The following ADK variants were observed in gnomAD, a reference collection of about 807,000 sequenced individuals.
The protein encoded by ADK is N6,N6-dimethyladenosine kinase.
A neutral mutation model predicts 44.7 loss-of-function variants in ADK; 24 were observed. The ratio of observed to expected loss-of-function variants is 0.54; its 90% CI spans 0.39 to 0.76. The LOEUF (loss-of-function observed/expected upper bound fraction) is 0.76. Ranked by LOEUF, ADK falls within the 30% of genes least tolerant of loss-of-function variation. The pLI is 0.00. For synonymous variants in ADK, 128 were observed against 142.6 expected, an observed-to-expected ratio of 0.90 and a Z score of 0.73; for missense variants, 321 against 425.1, an observed-to-expected ratio of 0.76 and a Z score of 2.15.
At chr10:74,348,551 C>T (rs183239366) in intron 4 of ADK, among the ~76,000 whole-genome samples, 18 of 152,082 alleles carry the variant, frequency 1.2e-4, no homozygotes, top group African/African-American at 3.9e-4. Context: ...TGCAGCTCCT[C>T]TCCAGCAAGG....
intron 3 of ADK, among the ~76,000 whole-genome samples, chr10:74,291,334 G>A (rs1275319828): frequency 6.6e-6 from 1 of 152,066 alleles, no homozygotes; most frequent in Non-Finnish European, 1.5e-5. Flanking sequence ...GGAGAATGGC[G>A]TGAACCCAGG....
chr10:74,187,501 T>C (rs932812781), intron 1 of ADK, among the ~76,000 whole-genome samples: 41 of 151,056 alleles, frequency 2.7e-4, no homozygotes, highest in African/African-American at 9.5e-4. Flanking sequence ...TACACGCACA[T>C]ACACACACAC....
At chr10:74,548,864 C>G (rs2133768484) in intron 7 of ADK, among the ~76,000 whole-genome samples, 2 of 152,322 alleles carry the variant, frequency 1.3e-5, no homozygotes, top group East Asian at 3.9e-4. Flanking sequence ...CAAAGATTAC[C>G]TGTTGTAACT....
chr10:74,613,122 T>C (rs1038449050), intron 9 of ADK, among the ~76,000 whole-genome samples: 2 of 152,112 alleles, frequency 1.3e-5, no homozygotes, highest in African/African-American at 4.8e-5. Context: ...CCCTGCCTTC[T>C]TAAAAGCACC....
chr10:74,701,267 T>C (rs908734839), intron 10 of ADK, among the ~76,000 whole-genome samples: 1 of 152,210 alleles, frequency 6.6e-6, no homozygotes, highest in African/African-American at 2.4e-5. Flanking sequence ...GCTCAATTTC[T>C]AAAATAGGTC....
At chr10:74,387,443 C>A (rs113938626) in intron 4 of ADK, among the ~76,000 whole-genome samples, 3 of 152,046 alleles carry the variant, frequency 2.0e-5, no homozygotes, top group African/African-American at 7.2e-5. Context: ...TTGGCTGAAA[C>A]GAATTATTTA....
intron 4 of ADK, among the ~76,000 whole-genome samples, chr10:74,340,561 G>GT (rs1393930518): frequency 6.6e-6 from 1 of 152,056 alleles, no homozygotes; most frequent in African/African-American, 2.4e-5. Flanking sequence ...AACCTAGACT[G>GT]TTTTGGAAAA....
At chr10:74,434,114 A>G (rs960201367) in intron 6 of ADK, among the ~76,000 whole-genome samples, 1 of 152,152 alleles carries the variant, frequency 6.6e-6, no homozygotes, top group Non-Finnish European at 1.5e-5. Context: ...GATTTTCTAT[A>G]TATATAATGA....
intron 3 of ADK, among the ~76,000 whole-genome samples, chr10:74,296,853 A>G (rs1839836749): frequency 6.6e-6 from 1 of 152,000 alleles, no homozygotes. Context: ...TGACCTCATT[A>G]ACCGCCCCTC....
chr10:74,294,373 A>G (rs531958861), intron 3 of ADK, among the ~76,000 whole-genome samples: 14 of 148,698 alleles, frequency 9.4e-5, no homozygotes, highest in African/African-American at 3.5e-4. Context: ...TGCAACCTCC[A>G]CCTCCCGGGT....
At chr10:74,550,912 A>G (rs903012466) in intron 7 of ADK, among the ~76,000 whole-genome samples, 7 of 152,214 alleles carry the variant, frequency 4.6e-5, no homozygotes, top group Non-Finnish European at 1.0e-4. Flanking sequence ...CATGTTGTCC[A>G]GGGTGGTCTT....
At chr10:74,704,706 A>G (rs1327467196) in intron 10 of ADK, among the ~76,000 whole-genome samples, 1 of 152,202 alleles carries the variant, frequency 6.6e-6, no homozygotes, top group Non-Finnish European at 1.5e-5. Flanking sequence ...TCACAAAAAT[A>G]TTTCATAAAC....
chr10:74,332,842 A>G (rs1841266879), intron 4 of ADK, among the ~76,000 whole-genome samples: 3 of 152,204 alleles, frequency 2.0e-5, no homozygotes, highest in Admixed American at 2.0e-4. Context: ...AATTTTGATG[A>G]CTTTTAAAAA....
chr10:74,548,880 G>A lies in ADK; in HGVS notation c.726+23454G>A, dbSNP rs184270099. ...AAAGATTACCTGTTGTAACTAAGTA[G>A]ATAAAGATAAAATTTCCATGAAAGT... On this transcript the variant is annotated intron_variant, in intron 7 of 10. Coordinates refer to ENST00000539909, the MANE Select transcript of ADK (RefSeq NM_006721.4). Among the ~76,000 whole-genome samples, 75 of 152,304 alleles carry A rather than the reference G, an allele frequency of 4.9e-4. 1 individual carries two copies. The highest frequency in any genetic ancestry group is 9.0e-4 in the Non-Finnish European group (61 of 68,024).
intron 6 of ADK, among the ~76,000 whole-genome samples, chr10:74,453,255 A>T (rs534810535): frequency 1.3e-5 from 2 of 152,254 alleles, no homozygotes; most frequent in Admixed American, 1.3e-4. Flanking sequence ...CACGTAAGAC[A>T]AAGATGTATT....
intron 4 of ADK, among the ~76,000 whole-genome samples, chr10:74,376,544 C>G (rs1182117249): frequency 1.3e-5 from 2 of 152,082 alleles, no homozygotes; most frequent in Non-Finnish European, 2.9e-5. Flanking sequence ...GATGTCTTAT[C>G]ATTTCATCCT....
At chr10:74,333,440 A>G (rs1841293302) in intron 4 of ADK, among the ~76,000 whole-genome samples, 1 of 152,192 alleles carries the variant, frequency 6.6e-6, no homozygotes. Context: ...CCTCCCATGT[A>G]ACATAAAACA....
chr10:74,701,740 T>G (rs1856424469), intron 10 of ADK, among the ~76,000 whole-genome samples: 1 of 151,996 alleles, frequency 6.6e-6, no homozygotes. Flanking sequence ...AGGTTGGGAG[T>G]CTGAGACCAG....
At chr10:74,525,618 A>T (rs1207531408) in intron 7 of ADK, among the ~76,000 whole-genome samples, 192 bp downstream of exon 7, 2 of 152,038 alleles carry the variant, frequency 1.3e-5, no homozygotes, top group East Asian at 3.8e-4. Flanking sequence ...AGTATATACT[A>T]ACTTCTTTCT....
Sources: gnomAD v4.1 joint callset for allele counts (sites outside exome capture counted in the v4.1 genomes callset) on GRCh38, gnomAD v4.1.1 for gene constraint, MANE v1.5 for transcripts, NCBI Gene and HGNC (gene_info 2026-07-23, HGNC 2026-07-21) for gene names.